Variants in DMD observed in about 807,000 individuals in gnomAD.
The protein encoded by DMD is mutant dystrophin.
In DMD, 63 loss-of-function variants were observed where a neutral mutation model predicts 330.1. The observed-to-expected ratio is 0.19, with a 90% CI of 0.16 to 0.24. The LOEUF is 0.24. Among genes scored for constraint, DMD ranks in the 10% least tolerant of loss-of-function variants. The probability of loss-of-function intolerance (pLI) is 1.00; values close to 1 mark genes in which losing one functional copy is unlikely to be tolerated. For missense variants in DMD, 3,344 were observed against 2,684.1 expected, an observed-to-expected ratio of 1.25 and a Z score of -5.43; for synonymous variants, 1,223 against 959.8, an observed-to-expected ratio of 1.27 and a Z score of -5.07.
intron 50 of DMD, among the ~76,000 whole-genome samples, chrX:31,777,554 C>T (rs139305435): frequency 5.9e-4 from 65 of 109,870 alleles, no homozygotes; most frequent in African/African-American, 1.7e-3. Flanking sequence ...TGTAAAGTGG[C>T]GATTATAATA....
At chrX:33,041,645 G>A (rs112873999) in intron 1 of DMD, 9 of 1,207,782 alleles carry the variant, frequency 7.5e-6, no homozygotes, top group African/African-American at 3.5e-5. Flanking sequence ...ATATTAGAAA[G>A]TGAAAAAGAC....
chrX:32,785,640 A>G (rs1193459367), intron 7 of DMD, among the ~76,000 whole-genome samples: 1 of 111,908 alleles, frequency 8.9e-6, no homozygotes, highest in Non-Finnish European at 1.9e-5. Context: ...AACTAGCTTT[A>G]GCAGTTTTAC....
intron 55 of DMD, among the ~76,000 whole-genome samples, chrX:31,570,940 A>C (rs2075779171): frequency 8.9e-6 from 1 of 111,746 alleles, no homozygotes; most frequent in Non-Finnish European, 1.9e-5. Context: ...TAATATTCTC[A>C]CAGCCTGGCT....
intron 15 of DMD, among the ~76,000 whole-genome samples, chrX:32,568,689 A>T (rs912328907): frequency 9.0e-6 from 1 of 111,298 alleles, no homozygotes; most frequent in Non-Finnish European, 1.9e-5. Flanking sequence ...ATGATGGCAG[A>T]TTAGTTGTTT....
intron 1 of DMD, among the ~76,000 whole-genome samples, chrX:33,198,452 C>A (rs926346612): frequency 1.8e-5 from 2 of 110,901 alleles, no homozygotes; most frequent in African/African-American, 6.6e-5. Context: ...GGGAACAGCA[C>A]CCAATGACAA....
At chrX:33,005,990 A>T (rs6631708) in intron 2 of DMD, among the ~76,000 whole-genome samples, 42,858 of 110,404 alleles carry the variant, frequency 0.39, 6,369 homozygotes, top group East Asian at 0.49. Flanking sequence ...TAAAACACAA[A>T]GCCATTTCCA....
At position 31,611,811 on chromosome X, in the gene DMD, T is replaced by G. The variant is rs189174988; in HGVS notation, c.8217+15862A>C. 2.7e-5 allele frequency among the ~76,000 whole-genome samples: 3 copies of G among 111,113 alleles called. No individual in the cohort carries two copies. In the Admixed American group the frequency reaches 2.9e-4, roughly 11 times the overall value. ...CCTGAGCTCAAGTGATCCTCCTGCT[T>G]TAGCCTCCCACAGTTCTGGGATTAC... On this transcript the variant is annotated intron_variant, in intron 55 of 78. Transcript: ENST00000357033.
intron 1 of DMD, among the ~76,000 whole-genome samples, chrX:33,143,683 T>C (rs1185907412): frequency 8.9e-6 from 1 of 111,890 alleles, no homozygotes; most frequent in African/African-American, 3.2e-5. Flanking sequence ...AGGTTTTCCT[T>C]TTATGTGGCA....
chrX:31,399,034 G>T (rs544942887), intron 60 of DMD, among the ~76,000 whole-genome samples: 3 of 111,234 alleles, frequency 2.7e-5, no homozygotes, highest in Non-Finnish European at 5.7e-5. Flanking sequence ...GTGTTACAGC[G>T]CCCTTTTAGC....
chrX:32,414,326 T>G (rs902915988), intron 29 of DMD, among the ~76,000 whole-genome samples: 2 of 112,069 alleles, frequency 1.8e-5, no homozygotes, highest in African/African-American at 3.2e-5. Flanking sequence ...AATTTTGTAT[T>G]TTTTTGATTT....
intron 1 of DMD, among the ~76,000 whole-genome samples, chrX:33,031,688 T>C (rs895527059): frequency 9.0e-5 from 10 of 110,795 alleles, no homozygotes; most frequent in African/African-American, 3.3e-4. Flanking sequence ...GGAGAATCAC[T>C]TGAACCTGGG....
At chrX:32,975,876 T>C (rs768610307) in intron 2 of DMD, among the ~76,000 whole-genome samples, 16 of 111,577 alleles carry the variant, frequency 1.4e-4, no homozygotes, top group Non-Finnish European at 2.8e-4. Context: ...GATTCCATCA[T>C]ATGAGAAAGT....
intron 77 of DMD, among the ~76,000 whole-genome samples, chrX:31,133,840 T>C (rs912425509): frequency 8.0e-5 from 9 of 112,398 alleles, no homozygotes; most frequent in Non-Finnish European, 1.3e-4. Flanking sequence ...TTCAGACTAA[T>C]GTGTGAAGCA....
intron 60 of DMD, among the ~76,000 whole-genome samples, chrX:31,408,154 A>C (rs1602550870): frequency 8.9e-6 from 1 of 111,935 alleles, no homozygotes; most frequent in East Asian, 2.8e-4. Flanking sequence ...TTGTTTCAGC[A>C]AGGACCCCTG....
intron 55 of DMD, chrX:31,508,339 T>C: frequency 1.0e-6 from 1 of 1,001,346 alleles, no homozygotes; most frequent in Non-Finnish European, 1.4e-6. Context: ...CAACTTTGCT[T>C]ACATTCTGTT....
At position 33,128,302 on chromosome X, in the gene DMD, C is replaced by A. The variant is rs1457033363; in HGVS notation, c.31+82980G>T. The A allele has an allele frequency of 3.8e-6, 4 of 1,044,392 alleles. No individual in the cohort carries two copies. In the East Asian group the frequency reaches 1.4e-4, roughly 37 times the overall value. 86.1% of individuals were successfully genotyped at this position (1,044,392 alleles called of 1,213,427 possible). ...GAGTCATAGCCAAGCACAGATAAAGCAGGCACAGAATCTCTGACCAGCCTC... is the reference window on the plus strand; with the variant it reads ...GAGTCATAGCCAAGCACAGATAAAGAAGGCACAGAATCTCTGACCAGCCTC... On this transcript the variant is annotated intron_variant, in intron 1 of 78. Coordinates refer to ENST00000357033, the MANE Select transcript of DMD (RefSeq NM_004006.3).
intron 41 of DMD, among the ~76,000 whole-genome samples, chrX:32,326,627 G>A (rs1433062608): frequency 8.9e-6 from 1 of 111,994 alleles, no homozygotes; most frequent in Non-Finnish European, 1.9e-5. Context: ...TCCTTGGGCT[G>A]GGCGCCATGG....
intron 15 of DMD, among the ~76,000 whole-genome samples, chrX:32,568,438 C>T (rs1342640591): frequency 9.6e-6 from 1 of 103,897 alleles, no homozygotes; most frequent in Non-Finnish European, 2.0e-5. Context: ...ACCAGGGAGG[C>T]AGAGGTTGCC....
chrX:32,744,335 T>C (rs1389996289), intron 7 of DMD, among the ~76,000 whole-genome samples: 2 of 111,103 alleles, frequency 1.8e-5, no homozygotes, highest in Non-Finnish European at 3.8e-5. Context: ...ATTCCTCTCA[T>C]GATCAACCCT....
Sources: gnomAD v4.1 joint callset for allele counts (sites outside exome capture counted in the v4.1 genomes callset) on GRCh38, gnomAD v4.1.1 for gene constraint, MANE v1.5 for transcripts, NCBI Gene and HGNC (gene_info 2026-07-23, HGNC 2026-07-21) for gene names.